NTM: variants seen among roughly 807,000 people sequenced by gnomAD.
NTM encodes the protein IgLON family member 2.
Under a neutral mutation model 42.1 loss-of-function variants are expected in NTM, and 13 were observed. The ratio of observed to expected loss-of-function variants is 0.31; its 90% confidence interval spans 0.20 to 0.49. The LOEUF is 0.49. Among genes scored for constraint, NTM ranks in the 20% least tolerant of loss-of-function variants. NTM has a pLI of 0.99. For missense variants in NTM, 373 were observed against 452.8 expected, an observed-to-expected ratio of 0.82 and a Z score of 1.60; for synonymous variants, 187 against 179.2, an observed-to-expected ratio of 1.04 and a Z score of -0.35.
At chr11:131,859,898 G>T (rs375187461) in intron 1 of NTM, among the ~76,000 whole-genome samples, 2 of 151,888 alleles carry the variant, frequency 1.3e-5, no homozygotes, top group South Asian at 2.1e-4. Flanking sequence ...GACTATTAAA[G>T]GTTGTTCTTA....
chr11:131,855,592 A>G (rs1234788544), intron 1 of NTM, among the ~76,000 whole-genome samples: 2 of 152,222 alleles, frequency 1.3e-5, no homozygotes, highest in South Asian at 2.1e-4. Flanking sequence ...CTCTTGAAGT[A>G]GCTGTGTATG....
At chr11:131,976,838 T>C (rs1386604592) in intron 2 of NTM, among the ~76,000 whole-genome samples, 1 of 152,212 alleles carries the variant, frequency 6.6e-6, no homozygotes, top group African/African-American at 2.4e-5. Flanking sequence ...CAGCCCTCAT[T>C]TCCATAATTC....
chr11:131,557,620 A>G (rs1220858149), intron 1 of NTM, among the ~76,000 whole-genome samples: 1 of 152,172 alleles, frequency 6.6e-6, no homozygotes, highest in Non-Finnish European at 1.5e-5. Flanking sequence ...ATGCTGTATC[A>G]ACTCTGTGAT....
rs1439987082 is a variant in NTM at position 132,058,223 on chromosome 11, C to T, written c.168-88059C>T. 2.6e-5 allele frequency among the ~76,000 whole-genome samples: 4 copies of T among 152,094 alleles called. No homozygotes were observed. The East Asian group carries it at 5.8e-4, about 22-fold the overall frequency. Reference sequence around the variant, plus strand: ...TGAATGACCATTTGTCTGCTTGTTGCCTGTCCTTGCATTCTGATGGAGGAA... The same window carrying T: ...TGAATGACCATTTGTCTGCTTGTTGTCTGTCCTTGCATTCTGATGGAGGAA... On this transcript the variant is annotated intron_variant, in intron 2 of 8. Transcript: ENST00000683400.
intron 4 of NTM, among the ~76,000 whole-genome samples, chr11:132,265,359 T>G (rs1029642694): frequency 1.3e-5 from 2 of 152,240 alleles, no homozygotes; most frequent in African/African-American, 4.8e-5. Context: ...TCTGCCATTT[T>G]CCAGCCATGA....
At chr11:131,920,291 T>A (rs2057033658) in intron 2 of NTM, among the ~76,000 whole-genome samples, 1 of 152,238 alleles carries the variant, frequency 6.6e-6, no homozygotes, top group South Asian at 2.1e-4. Context: ...TAATGTTCTC[T>A]AATTGTAAGT....
Position 131,610,150 on chromosome 11 carries a change from C to T in NTM, c.82+239262C>T, listed in dbSNP as rs143300479. 7.2e-3 allele frequency among the ~76,000 whole-genome samples: 1,093 copies of T among 152,284 alleles called. 7 individuals are homozygous for T. Among genetic ancestry groups the T allele is most frequent in the Non-Finnish European group, 0.012 (806 of 68,026 alleles). On this transcript the variant is annotated intron_variant, in intron 1 of 8. Transcript: ENST00000683400. ...AATCGTTAAACTGTCCAACAACGAG[C>T]TGGGTAAACTGAGAGAAAATAAACC...
intron 1 of NTM, among the ~76,000 whole-genome samples, chr11:131,465,685 C>G (rs879220901): frequency 6.6e-6 from 1 of 152,228 alleles, no homozygotes; most frequent in Admixed American, 6.5e-5. Flanking sequence ...CCACAGCGAA[C>G]AGTCTTTTCT....
chr11:131,865,313 T>C lies in NTM; in HGVS notation c.83-46251T>C, dbSNP rs183805274. ...CCAAGACAAAATTCAGAGTATACAG[T>C]TTGCCAGGTAACAATGTGCTTGTGA... On this transcript the variant is annotated intron_variant, in intron 1 of 8. Coordinates refer to ENST00000683400, the MANE Select transcript of NTM (RefSeq NM_001352005.2). Among the ~76,000 whole-genome samples, 9 of 152,302 alleles carry C rather than the reference T, an allele frequency of 5.9e-5. No homozygotes were observed. In the East Asian group the frequency reaches 1.7e-3, roughly 29 times the overall value.
chr11:131,878,877 G>A (rs146500349), intron 1 of NTM, among the ~76,000 whole-genome samples: 3 of 151,892 alleles, frequency 2.0e-5, no homozygotes, highest in African/African-American at 4.8e-5. Context: ...CTTTGCCTAA[G>A]AGGAGTTCCC....
chr11:132,065,837 TAA>T (rs2056396849), intron 2 of NTM, among the ~76,000 whole-genome samples: 1 of 152,226 alleles, frequency 6.6e-6, no homozygotes, highest in Non-Finnish European at 1.5e-5. Context: ...TTGCTTACAT[TAA>T]ACTCAGAAAG....
chr11:132,174,686 A>G (rs2076547316), intron 3 of NTM, among the ~76,000 whole-genome samples: 1 of 151,046 alleles, frequency 6.6e-6, no homozygotes, highest in African/African-American at 2.4e-5. Flanking sequence ...CTTTCTGGCA[A>G]TGGCTCTTTG....
At chr11:131,646,958 A>G (rs1471621668) in intron 1 of NTM, among the ~76,000 whole-genome samples, 2 of 152,240 alleles carry the variant, frequency 1.3e-5, no homozygotes, top group Non-Finnish European at 2.9e-5. Context: ...CTCTAGGTCC[A>G]GAATTAAATG....
intron 1 of NTM, among the ~76,000 whole-genome samples, chr11:131,462,044 G>A (rs1951432631): frequency 6.7e-6 from 1 of 149,706 alleles, no homozygotes; most frequent in South Asian, 2.1e-4. Flanking sequence ...ACTAGTGAGT[G>A]GGTAAAAAAA....
At chr11:131,835,704 G>T (rs2043399617) in intron 1 of NTM, among the ~76,000 whole-genome samples, 1 of 152,114 alleles carries the variant, frequency 6.6e-6, no homozygotes, top group Non-Finnish European at 1.5e-5. Flanking sequence ...ATCTCTCATT[G>T]TTCCTCTCAG....
intron 2 of NTM, among the ~76,000 whole-genome samples, chr11:132,024,163 T>C (rs2074826796): frequency 6.6e-6 from 1 of 151,912 alleles, no homozygotes; most frequent in Admixed American, 6.6e-5. Flanking sequence ...GGAAGGAGGA[T>C]AGGGTATGTT....
intron 1 of NTM, among the ~76,000 whole-genome samples, chr11:131,853,366 G>A (rs142852958): frequency 2.0e-5 from 3 of 152,186 alleles, no homozygotes; most frequent in African/African-American, 4.8e-5. Flanking sequence ...GAATCCATTC[G>A]CTATTCTTCC....
chr11:132,222,561 AG>A (rs957909768), intron 4 of NTM, among the ~76,000 whole-genome samples: 28 of 152,258 alleles, frequency 1.8e-4, no homozygotes, highest in African/African-American at 6.3e-4. Flanking sequence ...GACAGTTGAA[AG>A]GGATTGAGCA....
intron 2 of NTM, among the ~76,000 whole-genome samples, chr11:132,048,339 G>C (rs539815854): frequency 6.6e-6 from 1 of 152,182 alleles, no homozygotes; most frequent in Non-Finnish European, 1.5e-5. Flanking sequence ...TTTGTAGTTT[G>C]TAAAGATCTC....
Sources: allele counts gnomAD v4.1 joint callset (sites outside exome capture counted in the v4.1 genomes callset), GRCh38; gene constraint gnomAD v4.1.1; transcripts MANE v1.5; gene names NCBI Gene and HGNC (gene_info 2026-07-23, HGNC 2026-07-21).